Variants in ITPRID1 observed in about 807,000 individuals in gnomAD.
ITPRID1 encodes the protein protein ITPRID1.
A neutral mutation model predicts 95.4 loss-of-function variants in ITPRID1; 96 were observed. That is an observed-to-expected ratio of 1.01 (90% CI 0.85 to 1.19). The LOEUF is 1.19. Ranked by LOEUF, ITPRID1 falls within the 50% of genes most tolerant of loss-of-function variation. The probability of loss-of-function intolerance (pLI) is 0.00; values close to 1 mark genes in which losing one functional copy is unlikely to be tolerated. For missense variants in ITPRID1, 1,339 were observed against 1,252.9 expected, an observed-to-expected ratio of 1.07 and a Z score of -1.04; for synonymous variants, 510 against 453.6, an observed-to-expected ratio of 1.12 and a Z score of -1.58.
At chr7:31,531,265 G>T (rs1459401690) in intron 1 of ITPRID1, among the ~76,000 whole-genome samples, 3 of 152,186 alleles carry the variant, frequency 2.0e-5, no homozygotes, top group Non-Finnish European at 4.4e-5. Context: ...TAGGAAGAAG[G>T]AAATAATATA....
chr7:31,620,022 G>A (rs1275357616), intron 10 of ITPRID1, among the ~76,000 whole-genome samples: 1 of 152,186 alleles, frequency 6.6e-6, no homozygotes, highest in Non-Finnish European at 1.5e-5. Flanking sequence ...AGCAGTCTGA[G>A]ATCAAACTGC....
chr7:31,542,159 T>C (rs1161795195), intron 1 of ITPRID1, among the ~76,000 whole-genome samples: 1 of 152,186 alleles, frequency 6.6e-6, no homozygotes, highest in Admixed American at 6.5e-5. Flanking sequence ...TTAGCAACCT[T>C]TACTTTTGCT....
Position 31,628,713 on chromosome 7 carries a change from C to T in ITPRID1, c.1229-13463C>T, listed in dbSNP as rs1322883196. Among the ~76,000 whole-genome samples the T allele has an allele frequency of 3.3e-5, 5 of 152,122 alleles. No individual in the cohort carries two copies. In the East Asian group the frequency reaches 9.7e-4, roughly 29 times the overall value. On this transcript the variant is annotated intron_variant, in intron 10 of 14. Coordinates refer to ENST00000615280, the MANE Select transcript of ITPRID1 (RefSeq NM_001257967.3). ...CCTTGTGATCCGCCCGCCTCGGCCT[C>T]CGAAAGTGCTGGGATTACAGGCTTG...
Position 31,578,099 on chromosome 7 carries a change from G to A in ITPRID1, c.835G>A (p.Val279Met), listed in dbSNP as rs770044923. ...CNPEVSESFKVKDEVFVPFTK... is the reference protein window; with the variant it reads ...CNPEVSESFKMKDEVFVPFTK... ...CCCAGAGGTATCAGAGTCCTTCAAG[G>A]TGAAGGATGAAGTTTTTGTTCCCTT... Residue 279 changes from valine to methionine, a missense_variant, in exon 9 of 15, where the codon GTG becomes ATG. Physicochemically the swap from Val to Met is conservative, Grantham distance 21 (BLOSUM62 1). Transcript: ENST00000615280. The A allele has an allele frequency of 1.2e-6, 2 of 1,613,538 alleles. No individual in the cohort carries two copies. Among genetic ancestry groups the A allele is most frequent in the Admixed American group, 1.7e-5 (1 of 59,976 alleles).
At chr7:31,618,888 T>C (rs531217813) in intron 10 of ITPRID1, among the ~76,000 whole-genome samples, 2 of 152,226 alleles carry the variant, frequency 1.3e-5, no homozygotes, top group South Asian at 2.1e-4. Context: ...GTTGTGCACA[T>C]TGCATGTTAT....
In ITPRID1 at chr7:31,652,007, A is replaced by G. The variant is rs1189245567; in HGVS notation, c.2780A>G (p.Gln927Arg). The G allele has an allele frequency of 6.2e-7, 1 of 1,605,150 alleles. No homozygotes were observed. The highest frequency in any genetic ancestry group is 8.5e-7 in the Non-Finnish European group (1 of 1,176,038). Residue 927 changes from glutamine to arginine, a missense_variant, in exon 14 of 15, where the codon CAG (glutamine) becomes CGG (arginine). Physicochemically the swap from Gln to Arg is conservative, Grantham distance 43. Coordinates refer to ENST00000615280, the MANE Select transcript of ITPRID1 (RefSeq NM_001257967.3). ...CAGCAGGTGGCAGAGTTGGAATTTC[A>G]GTTAGGAGACCGGGCTCAGCAAATC... ...LRQQVAELEFQLGDRAQQIRE... is the reference protein window; with the variant it reads ...LRQQVAELEFRLGDRAQQIRE...
rs1182493739 is a variant in ITPRID1, at chr7:31,654,373, G to T, written c.*1544G>T. ...TGGAGGGAGGGGAAGGCTGAGAGGGGATCGGTCAGACTATAGGCCATGACC... is the reference window on the plus strand; with the variant it reads ...TGGAGGGAGGGGAAGGCTGAGAGGGTATCGGTCAGACTATAGGCCATGACC... On this transcript the variant is annotated 3_prime_UTR_variant, in exon 15 of 15. Coordinates refer to ENST00000615280, the MANE Select transcript of ITPRID1 (RefSeq NM_001257967.3). 5.3e-5 allele frequency among the ~76,000 whole-genome samples: 8 copies of T among 152,182 alleles called. No individual in the cohort carries two copies. The highest frequency in any genetic ancestry group is 1.0e-4 in the Non-Finnish European group (7 of 68,030).
chr7:31,638,279 T>C (rs1371459762), intron 10 of ITPRID1, among the ~76,000 whole-genome samples: 1 of 152,210 alleles, frequency 6.6e-6, no homozygotes, highest in African/African-American at 2.4e-5. Flanking sequence ...AAGTCTTAAA[T>C]ATTACACTAG....
At chr7:31,550,292 G>A (rs1022006276) in intron 2 of ITPRID1, among the ~76,000 whole-genome samples, 64 of 151,136 alleles carry the variant, frequency 4.2e-4, no homozygotes, top group African/African-American at 1.4e-3. Flanking sequence ...TGACAGCATA[G>A]TAATCAGAGT....
intron 1 of ITPRID1, among the ~76,000 whole-genome samples, chr7:31,521,977 G>A (rs1473770175): frequency 6.8e-6 from 1 of 147,872 alleles, no homozygotes; most frequent in Non-Finnish European, 1.5e-5. Flanking sequence ...CTTTTTATAA[G>A]GATAGGAGTG....
rs146125502 is a variant in ITPRID1 at position 31,571,123 on chromosome 7, G to A, written c.309-979G>A. 2.9e-3 allele frequency among the ~76,000 whole-genome samples: 437 copies of A among 152,090 alleles called. 5 individuals carry two copies. The East Asian group carries it at 0.052, about 18-fold the overall frequency. On this transcript the variant is annotated intron_variant, in intron 6 of 14. Transcript: ENST00000615280. ...AGCTCACTGCAATCTCCACCTCCTG[G>A]GTTCAAGCAATTCGCTGCCTCAGCC...
chr7:31,639,544 T>TTTTTTTTTTTTTTTTG (rs1562644465), intron 10 of ITPRID1, among the ~76,000 whole-genome samples: 3 of 135,188 alleles, frequency 2.2e-5, no homozygotes, highest in African/African-American at 2.8e-5. Context: ...TTTTGTTTTT[T>TTTTTTTTTTTTTTTTG]TTTTTTTTTT....
chr7:31,640,115 C>T (rs1193372035), intron 10 of ITPRID1, among the ~76,000 whole-genome samples: 2 of 152,138 alleles, frequency 1.3e-5, no homozygotes, highest in Non-Finnish European at 2.9e-5. Context: ...TTTTAAGGCT[C>T]ATTAGGTGGG....
chr7:31,573,608 CA>C (rs1292474405), intron 7 of ITPRID1, among the ~76,000 whole-genome samples: 2 of 151,748 alleles, frequency 1.3e-5, no homozygotes, highest in Non-Finnish European at 2.9e-5. Context: ...AAAAGGCAAA[CA>C]AAAACTTCAA....
chr7:31,616,896 T>C (rs1368939302), intron 10 of ITPRID1, among the ~76,000 whole-genome samples: 1 of 152,220 alleles, frequency 6.6e-6, no homozygotes, highest in Non-Finnish European at 1.5e-5. Flanking sequence ...TTGCTTACTT[T>C]TTGCCTTCTT....
chr7:31,634,379 A>G (rs539078657), intron 10 of ITPRID1, among the ~76,000 whole-genome samples: 1 of 152,352 alleles, frequency 6.6e-6, no homozygotes, highest in South Asian at 2.1e-4. Flanking sequence ...ATATAACATT[A>G]TGTAGCCTAT....
chr7:31,552,703 T>C (rs879932961), intron 2 of ITPRID1, among the ~76,000 whole-genome samples: 15 of 152,178 alleles, frequency 9.9e-5, no homozygotes, highest in African/African-American at 3.6e-4. Flanking sequence ...AAGTCTAATT[T>C]CTTTGCTCTC....
intron 10 of ITPRID1, among the ~76,000 whole-genome samples, chr7:31,583,492 G>C (rs1785480840): frequency 6.6e-6 from 1 of 152,192 alleles, no homozygotes; most frequent in African/African-American, 2.4e-5. Flanking sequence ...AGCTGGCGCA[G>C]TGGTGCGCAC....
At chr7:31,599,633 CT>C (rs550292196) in intron 10 of ITPRID1, among the ~76,000 whole-genome samples, 1 of 48,364 alleles carries the variant, frequency 2.1e-5, no homozygotes, top group African/African-American at 7.1e-5. Context: ...TTCTTTCTTT[CT>C]TTCTTTCTTT....
Sources: gnomAD v4.1 joint callset for allele counts (sites outside exome capture counted in the v4.1 genomes callset) on GRCh38, gnomAD v4.1.1 for gene constraint, MANE v1.5 for transcripts, NCBI Gene and HGNC (gene_info 2026-07-23, HGNC 2026-07-21) for gene names.